C1GALT1: variants seen among roughly 807,000 people sequenced by gnomAD.
C1GALT1 encodes the protein glycoprotein-N-acetylgalactosamine 3-beta-galactosyltransferase 1.
Under a neutral mutation model 31.0 loss-of-function variants are expected in C1GALT1, and 11 were observed. That is an observed-to-expected ratio of 0.36 (90% confidence interval 0.22 to 0.59). The LOEUF (loss-of-function observed/expected upper bound fraction) is 0.59, where lower values mean the gene tolerates loss of function less well. C1GALT1 is among the 20% of genes least tolerant of loss of function. The pLI is 0.79. For synonymous variants in C1GALT1, 175 were observed against 143.6 expected, an observed-to-expected ratio of 1.22 and a Z score of -1.56; for missense variants, 424 against 425.2, an observed-to-expected ratio of 1.00 and a Z score of 0.03.
intron 1 of C1GALT1, among the ~76,000 whole-genome samples, chr7:7,183,941 A>G (rs570251018): frequency 6.6e-6 from 1 of 152,322 alleles, no homozygotes; most frequent in East Asian, 1.9e-4. Context: ...TTAACTTACT[A>G]AAAGTTGGGC....
intron 3 of C1GALT1, among the ~76,000 whole-genome samples, chr7:7,241,531 C>G (rs546221663): frequency 6.6e-6 from 1 of 152,000 alleles, no homozygotes; most frequent in Non-Finnish European, 1.5e-5. Flanking sequence ...AATTTAGGGA[C>G]AATAACATCT....
upstream of C1GALT1, among the ~76,000 whole-genome samples, chr7:7,180,137 T>C (rs927124041): frequency 2.0e-5 from 3 of 152,240 alleles, no homozygotes; most frequent in Admixed American, 6.5e-5. Context: ...TTGACATGCA[T>C]TATTAAACAC....
chr7:7,182,678 A>C lies in C1GALT1; in HGVS notation c.-160A>C. On this transcript the variant is annotated 5_prime_UTR_variant, in exon 1 of 4. Transcript: ENST00000436587. ...GCCGCTGTGCTGCCGCTGCCGGGGAATAATCTGGGCGGCAGCGGGCGGCCT... is the reference window on the plus strand; with the variant it reads ...GCCGCTGTGCTGCCGCTGCCGGGGACTAATCTGGGCGGCAGCGGGCGGCCT... 1 of 463,038 alleles carries C rather than the reference A, an allele frequency of 2.2e-6. No individual in the cohort carries two copies. Among genetic ancestry groups the C allele is most frequent in the Non-Finnish European group, 2.8e-6 (1 of 352,478 alleles). 28.7% of individuals were successfully genotyped at this position (463,038 alleles called of 1,614,324 possible). A position where few individuals can be genotyped will look rare whatever the true frequency, so the allele number is the denominator to read the frequency against.
chr7:7,190,235 G>A (rs567673202), intron 1 of C1GALT1, among the ~76,000 whole-genome samples: 1 of 152,230 alleles, frequency 6.6e-6, no homozygotes, highest in South Asian at 2.1e-4. Context: ...CTTAAAGCAC[G>A]GCAAGACTGT....
intron 1 of C1GALT1, among the ~76,000 whole-genome samples, chr7:7,233,599 G>C (rs955533542): frequency 6.6e-6 from 1 of 152,200 alleles, no homozygotes; most frequent in African/African-American, 2.4e-5. Context: ...AAAGGGCTAG[G>C]TACGGTTTTG....
intron 3 of C1GALT1, among the ~76,000 whole-genome samples, chr7:7,242,357 A>G (rs1183384004): frequency 6.6e-6 from 1 of 151,956 alleles, no homozygotes; most frequent in Non-Finnish European, 1.5e-5. Flanking sequence ...AAGGTGCAAG[A>G]GTAGGTTGTC....
intron 2 of C1GALT1, among the ~76,000 whole-genome samples, chr7:7,167,852 C>G (rs1780415084): frequency 6.6e-6 from 1 of 152,160 alleles, no homozygotes; most frequent in Non-Finnish European, 1.5e-5. Flanking sequence ...TTCTCCTAGA[C>G]TCAGAATGAG....
chr7:7,182,722 C>G lies in C1GALT1; in HGVS notation c.-116C>G, dbSNP rs959666394. On this transcript the variant is annotated 5_prime_UTR_variant, in exon 1 of 4. Transcript: ENST00000436587. ...GCGGCCTCGGCTAGCGGCCACGAGC[C>G]ACTTCTGCGGCTGCCCAGAGAAGCA... The G allele has an allele frequency of 1.2e-6, 1 of 836,372 alleles. No homozygotes were observed. Among genetic ancestry groups the G allele is most frequent in the Non-Finnish European group, 1.4e-6 (1 of 693,826 alleles). 51.8% of individuals were successfully genotyped at this position (836,372 alleles called of 1,614,324 possible). A position where few individuals can be genotyped will look rare whatever the true frequency, so the allele number is the denominator to read the frequency against.
At chr7:7,159,002 A>G (rs1197732914) in intron 2 of C1GALT1, among the ~76,000 whole-genome samples, 2 of 152,142 alleles carry the variant, frequency 1.3e-5, no homozygotes, top group Non-Finnish European at 2.9e-5. Flanking sequence ...GGGTTCAGGG[A>G]GTTTTTGAAT....
At position 7,234,418 on chromosome 7, in the gene C1GALT1, A is replaced by G. The variant is rs747774911; in HGVS notation, c.99A>G (p.Glu33=). 17 of 1,613,864 alleles carry G rather than the reference A, an allele frequency of 1.1e-5. No homozygotes were observed. Among genetic ancestry groups the G allele is most frequent in the Non-Finnish European group, 1.4e-5 (17 of 1,179,770 alleles). Residue 33 remains glutamate (E), a synonymous_variant, in exon 2 of 4, where the codon GAA becomes GAG. Transcript: ENST00000436587. ...AGCTATTTAGTATTTTGTTGGGAGA[A>G]AAGGTTGACACCCAGCCTAATGTTC... ...CSQLFSILLG[E]KVDTQPNVLH... is the part of the protein sequence containing the mutation.
intron 2 of C1GALT1, among the ~76,000 whole-genome samples, chr7:7,160,765 T>G (rs956523605): frequency 6.6e-5 from 10 of 152,100 alleles, no homozygotes; most frequent in Non-Finnish European, 1.3e-4. Context: ...TGCAGGAATT[T>G]TATCAGAGAA....
At chr7:7,199,719 T>G (rs1249853291) in intron 1 of C1GALT1, among the ~76,000 whole-genome samples, 1 of 152,230 alleles carries the variant, frequency 6.6e-6, no homozygotes, top group African/African-American at 2.4e-5. Flanking sequence ...TGAATCTGGG[T>G]GCTCTTGTAT....
intron 1 of C1GALT1, among the ~76,000 whole-genome samples, chr7:7,197,210 A>G (rs1210548102): frequency 1.3e-5 from 2 of 152,176 alleles, no homozygotes; most frequent in Non-Finnish European, 2.9e-5. Context: ...TCTTGAATTA[A>G]TTTTTGTATC....
chr7:7,180,116 T>A (rs184205429), upstream of C1GALT1, among the ~76,000 whole-genome samples: 1 of 152,216 alleles, frequency 6.6e-6, no homozygotes, highest in Non-Finnish European at 1.5e-5. Flanking sequence ...ACCGACCTAC[T>A]CCAACGAGTT....
chr7:7,213,756 C>T (rs1782110889), intron 1 of C1GALT1, among the ~76,000 whole-genome samples: 1 of 152,176 alleles, frequency 6.6e-6, no homozygotes, highest in South Asian at 2.1e-4. Context: ...CTAATTTTAT[C>T]CACTTTGACC....
At chr7:7,191,711 G>C (rs1781081663) in intron 1 of C1GALT1, among the ~76,000 whole-genome samples, 1 of 152,014 alleles carries the variant, frequency 6.6e-6, no homozygotes, top group Non-Finnish European at 1.5e-5. Flanking sequence ...GTCTTGATTT[G>C]TTTTGCTAAT....
chr7:7,167,619 G>C (rs1057341230), intron 2 of C1GALT1, among the ~76,000 whole-genome samples: 2 of 151,674 alleles, frequency 1.3e-5, no homozygotes, highest in African/African-American at 4.8e-5. Flanking sequence ...TAATCATTGA[G>C]AGGGTCTTTT....
intron 1 of C1GALT1, among the ~76,000 whole-genome samples, chr7:7,220,710 T>TG (rs1782472410): frequency 6.6e-6 from 1 of 151,952 alleles, no homozygotes; most frequent in Admixed American, 6.6e-5. Context: ...TTAGTAGAGA[T>TG]GGGGTTTCAC....
chr7:7,190,195 T>C (rs1010366), intron 1 of C1GALT1, among the ~76,000 whole-genome samples: 54,740 of 151,922 alleles, frequency 0.36, 10,282 homozygotes, highest in African/African-American at 0.45. Context: ...GGAGTTTGGA[T>C]AAAGTTTAAA....
Sources: allele counts gnomAD v4.1 joint callset (sites outside exome capture counted in the v4.1 genomes callset), GRCh38; gene constraint gnomAD v4.1.1; transcripts MANE v1.5; gene names NCBI Gene and HGNC (gene_info 2026-07-23, HGNC 2026-07-21).